The following TAS2R4 variants were observed in gnomAD, a reference collection of about 807,000 sequenced individuals.
The protein encoded by TAS2R4 is taste 2 receptor member 4, also known as taste receptor type 2 member 4.
In TAS2R4, 18 loss-of-function variants were observed where a neutral mutation model predicts 14.3. The observed-to-expected ratio is 1.26, with a 90% CI of 0.87 to 1.86. The LOEUF (loss-of-function observed/expected upper bound fraction) is 1.86, where lower values mean the gene tolerates loss of function less well. Among genes scored for constraint, TAS2R4 ranks in the 40% most tolerant of loss-of-function variants. TAS2R4 has a pLI of 0.00. For missense variants in TAS2R4, 306 were observed against 342.7 expected, an observed-to-expected ratio of 0.89 and a Z score of 0.85; for synonymous variants, 130 against 138.5, an observed-to-expected ratio of 0.94 and a Z score of 0.43.
chr7:141,778,371 G>A lies in TAS2R4; in HGVS notation c.-118G>A. On this transcript the variant is annotated 5_prime_UTR_variant, in exon 1 of 1. The change creates a premature stop within an existing upstream ORF in the 5' untranslated region. Coordinates refer to ENST00000247881, the MANE Select transcript of TAS2R4 (RefSeq NM_016944.2). ...CATGAATGGCTCATTTGCCATGCTG[G>A]GAAAAATTAAAAAGGAGATGTCCTT... 1 of 966,728 alleles carries A rather than the reference G, an allele frequency of 1.0e-6. No homozygotes were observed. Among genetic ancestry groups the A allele is most frequent in the Non-Finnish European group, 1.5e-6 (1 of 664,326 alleles). 59.9% of individuals were successfully genotyped at this position (966,728 alleles called of 1,614,324 possible). A position where few individuals can be genotyped will look rare whatever the true frequency, so the allele number is the denominator to read the frequency against.
At position 141,777,087 on chromosome 7, in the gene TAS2R4, G is replaced by T. The variant is rs1800253389; in HGVS notation, c.-1402G>T. Among the ~76,000 whole-genome samples, 1 of 152,128 alleles carries T rather than the reference G, an allele frequency of 6.6e-6. No individual in the cohort carries two copies. The highest frequency in any genetic ancestry group is 1.5e-5 in the Non-Finnish European group (1 of 68,020). ...AATATTTCAACTTCACCACTTTAAT[G>T]CAGCCATCTATGGATAAGTAATTGG... On this transcript the variant is annotated 5_prime_UTR_variant, in exon 1 of 1. It removes an upstream start codon present in the reference 5' UTR. Coordinates refer to ENST00000247881, the MANE Select transcript of TAS2R4 (RefSeq NM_016944.2).
chr7:141,776,956 A>G lies in TAS2R4; in HGVS notation c.-1533A>G, dbSNP rs567627063. 4.6e-5 allele frequency among the ~76,000 whole-genome samples: 7 copies of G among 152,322 alleles called. No homozygotes were observed. The South Asian group carries it at 1.4e-3, about 32-fold the overall frequency. ...CCAACAATTTGGTATAGTACATTCT[A>G]GATAGAGTTTGTTACTATCTAATTC... is the stretch of plus-strand genomic sequence containing the variant. On this transcript the variant is annotated 5_prime_UTR_variant, in exon 1 of 1. It removes the in-frame stop codon of an upstream open reading frame in the 5' UTR. Transcript: ENST00000247881.
In TAS2R4 at chr7:141,778,930, A is replaced by C. The variant is rs749948398; in HGVS notation, c.442A>C (p.Ile148Leu). The change falls in exon 1 of 1, where the codon ATC becomes CTC. Residue 148 changes from isoleucine (I) to leucine (L), a missense_variant. Physicochemically the swap from Ile to Leu is conservative, Grantham distance 5. Coordinates refer to ENST00000247881, the MANE Select transcript of TAS2R4 (RefSeq NM_016944.2). ...LISAFTTCLY[I>L]TLSQASPFPE... ...TTCTGCTTTCACCACTTGCCTGTAC[A>C]TCACGCTTAGCCAGGCATCACCTTT... 1 of 1,614,212 alleles carries C rather than the reference A, an allele frequency of 6.2e-7. No individual in the cohort carries two copies. Among genetic ancestry groups the C allele is most frequent in the Non-Finnish European group, 8.5e-7 (1 of 1,180,036 alleles).
rs1392795304 is a variant in TAS2R4, at chr7:141,780,892, G to T, written c.*1504G>T. 1.3e-5 allele frequency: 2 copies of T among 151,988 alleles called. No individual in the cohort carries two copies. The highest frequency in any genetic ancestry group is 2.9e-5 in the Non-Finnish European group (2 of 68,016). 9.4% of individuals were successfully genotyped at this position (151,988 alleles called of 1,614,324 possible). On this transcript the variant is annotated 3_prime_UTR_variant, in exon 1 of 1. Coordinates refer to ENST00000247881, the MANE Select transcript of TAS2R4 (RefSeq NM_016944.2). ...TAAAAATTACCCAAGCCAATATTTTGTGCTATGAAACCTGGAGGTATTCAT... is the reference window on the plus strand; with the variant it reads ...TAAAAATTACCCAAGCCAATATTTTTTGCTATGAAACCTGGAGGTATTCAT...
rs1345200950 is a variant in TAS2R4, at chr7:141,778,467, G to T, written c.-22G>T. 6.3e-7 allele frequency: 1 copy of T among 1,590,264 alleles called. No individual in the cohort carries two copies. The highest frequency in any genetic ancestry group is 1.3e-5 in the African/African-American group (1 of 74,232). ...TGCCTCCACTATCAGCACCACAACT[G>T]CTGAATCCTCAATGAGTAAAGATGC... On this transcript the variant is annotated 5_prime_UTR_variant, in exon 1 of 1. Transcript: ENST00000247881.
At position 141,778,645 on chromosome 7, in the gene TAS2R4, A is replaced by C; in HGVS notation, c.157A>C (p.Ile53Leu). The C allele has an allele frequency of 1.2e-6, 2 of 1,614,234 alleles. No homozygotes were observed. Among genetic ancestry groups the C allele is most frequent in the African/African-American group, 1.3e-5 (1 of 75,058 alleles). The change falls in exon 1 of 1, where the codon ATC becomes CTC. Residue 53 changes from isoleucine (I) to leucine (L), a missense_variant. Transcript: ENST00000247881. The stretch of plus-strand genomic sequence containing the variant: ...TGATAGGATTCTGTTCAGCCTGGGC[A>C]TCACCAGGTTTCTTATGCTGGGACT... The part of the protein sequence containing the change: ...SSDRILFSLG[I>L]TRFLMLGLFL...
rs61582517 is a variant in TAS2R4, at chr7:141,777,796, G to GTATGTAGA, written c.-690_-683dup. 0.42 allele frequency among the ~76,000 whole-genome samples: 63,438 copies of GTATGTAGA among 151,586 alleles called. 14,224 individuals carry two copies. Among genetic ancestry groups the GTATGTAGA allele is most frequent in the East Asian group, 0.68 (3,485 of 5,112 alleles). ...GCAAATGGTTATGGCACAAATCTAT[G>GTATGTAGA]TATGTAGATAGAGAAGGCAAAGCAA... On this transcript the variant is annotated 5_prime_UTR_variant, in exon 1 of 1. The change creates a new upstream start codon in the 5' untranslated region. Transcript: ENST00000247881.
chr7:141,779,224 A>G lies in TAS2R4; in HGVS notation c.736A>G (p.Thr246Ala), dbSNP rs1800290406. 3 of 1,614,036 alleles carry G rather than the reference A, an allele frequency of 1.9e-6. No homozygotes were observed. The highest frequency in any genetic ancestry group is 2.2e-5 in the South Asian group (2 of 91,082). The change falls in exon 1 of 1, where the codon ACC (threonine) becomes GCC (alanine). Residue 246 changes from threonine (T) to alanine (A), a missense_variant. Thr to Ala is a moderately conservative substitution (Grantham distance 58). Coordinates refer to ENST00000247881, the MANE Select transcript of TAS2R4 (RefSeq NM_016944.2). Reference sequence around the variant, plus strand: ...CCTCTACATTCCATATTCAGTTGCTACCCTGGTCCAGTATCTCCCCTTTTA... The same window carrying G: ...CCTCTACATTCCATATTCAGTTGCTGCCCTGGTCCAGTATCTCCCCTTTTA... ...LILYIPYSVA[T>A]LVQYLPFYAG...
At position 141,780,673 on chromosome 7, in the gene TAS2R4, C is replaced by A. The variant is rs1409856401; in HGVS notation, c.*1285C>A. ...CCATTGGACTGTGGCTCCAAAAGAA[C>A]AACAGTCTGAAGATGGGATGTTGAC... On this transcript the variant is annotated 3_prime_UTR_variant, in exon 1 of 1. Coordinates refer to ENST00000247881, the MANE Select transcript of TAS2R4 (RefSeq NM_016944.2). 6.6e-6 allele frequency: 1 copy of A among 152,072 alleles called. No homozygotes were observed. Among genetic ancestry groups the A allele is most frequent in the Non-Finnish European group, 1.5e-5 (1 of 68,018 alleles). The allele number at this position is 152,072 out of a possible 1,614,324, so 9.4% of individuals were successfully genotyped here.
Position 141,777,194 on chromosome 7 carries a change from C to CT in TAS2R4, c.-1294dup, listed in dbSNP as rs1219139059. On this transcript the variant is annotated 5_prime_UTR_variant, in exon 1 of 1. An upstream open reading frame in the 5' UTR gains an earlier in-frame stop. Transcript: ENST00000247881. The stretch of plus-strand genomic sequence containing the variant: ...CTGCTTACCTGATGTGGGCATGCCT[C>CT]TATCAGTGCCTGTTAGTTTTGAATA... 6.6e-6 allele frequency among the ~76,000 whole-genome samples: 1 copy of CT among 152,178 alleles called. No homozygotes were observed. The highest frequency in any genetic ancestry group is 1.5e-5 in the Non-Finnish European group (1 of 68,042).
chr7:141,779,029 T>G lies in TAS2R4; in HGVS notation c.541T>G (p.Leu181Val). 2 of 1,614,224 alleles carry G rather than the reference T, an allele frequency of 1.2e-6. No homozygotes were observed. The highest frequency in any genetic ancestry group is 1.7e-6 in the Non-Finnish European group (2 of 1,180,026). ...SEGILSLVVS[L>V]VLSSSLQFII... Reference sequence around the variant, plus strand: ...GGGCATCTTGTCTTTAGTGGTTTCTTTGGTCTTGAGCTCATCTCTCCAGTT... The same window carrying G: ...GGGCATCTTGTCTTTAGTGGTTTCTGTGGTCTTGAGCTCATCTCTCCAGTT... Residue 181 changes from leucine (L) to valine (V), a missense_variant, in exon 1 of 1, where the codon TTG (leucine) becomes GTG (valine). Physicochemically the swap from Leu to Val is conservative, Grantham distance 32. Transcript: ENST00000247881.
In TAS2R4 at chr7:141,778,207, G is replaced by T. The variant is rs2117222210; in HGVS notation, c.-282G>T. Among the ~76,000 whole-genome samples, 2 of 152,284 alleles carry T rather than the reference G, an allele frequency of 1.3e-5. No individual in the cohort carries two copies. The highest frequency in any genetic ancestry group is 3.9e-4 in the East Asian group (2 of 5,182). On this transcript the variant is annotated 5_prime_UTR_variant, in exon 1 of 1. Coordinates refer to ENST00000247881, the MANE Select transcript of TAS2R4 (RefSeq NM_016944.2). ...TGTGACTCTTCCCTCTCGCCCTCCT[G>T]CTCTTGGAGGAGTGGACTCCCAGCA...
Position 141,778,170 on chromosome 7 carries a change from T to C in TAS2R4, c.-319T>C, listed in dbSNP as rs1177377957. Among the ~76,000 whole-genome samples the C allele has an allele frequency of 6.6e-6, 1 of 152,196 alleles. No homozygotes were observed. Among genetic ancestry groups the C allele is most frequent in the African/African-American group, 2.4e-5 (1 of 41,454 alleles). ...AGCTCTCTGGTTTGGATTCTAAGTT[T>C]TTGGAGCCTGCTGTGACTCTTCCCT... On this transcript the variant is annotated 5_prime_UTR_variant, in exon 1 of 1. Coordinates refer to ENST00000247881, the MANE Select transcript of TAS2R4 (RefSeq NM_016944.2).
Position 141,778,991 on chromosome 7 carries a change from T to G in TAS2R4, c.503T>G (p.Phe168Cys), listed in dbSNP as rs1800284782. ...GTGACTACGAGAAATAACACATCAT[T>G]TAATATCAGTGAGGGCATCTTGTCT... ...ELVTTRNNTS[F>C]NISEGILSLV... Residue 168 changes from phenylalanine to cysteine, a missense_variant, in exon 1 of 1, where the codon TTT (phenylalanine) becomes TGT (cysteine). Phe to Cys is a radical substitution (Grantham distance 205). Coordinates refer to ENST00000247881, the MANE Select transcript of TAS2R4 (RefSeq NM_016944.2). 3 of 1,614,240 alleles carry G rather than the reference T, an allele frequency of 1.9e-6. No homozygotes were observed. In the East Asian group the frequency reaches 6.7e-5, roughly 36 times the overall value.
In TAS2R4 at chr7:141,779,564, G is replaced by T; in HGVS notation, c.*176G>T. On this transcript the variant is annotated 3_prime_UTR_variant, in exon 1 of 1. Transcript: ENST00000247881. ...GTAATTTTTTTTTTTTGGTATGTAA[G>T]TATTTTAAAATAAGGCACATTCTGT... 1 of 608,206 alleles carries T rather than the reference G, an allele frequency of 1.6e-6. No homozygotes were observed. 37.7% of individuals were successfully genotyped at this position (608,206 alleles called of 1,614,324 possible). A position where few individuals can be genotyped will look rare whatever the true frequency, so the allele number is the denominator to read the frequency against.
In TAS2R4 at chr7:141,778,522, G is replaced by T. The variant is rs1800274654; in HGVS notation, c.34G>T (p.Ala12Ser). The change falls in exon 1 of 1, where the codon GCC becomes TCC. Residue 12 changes from alanine (A) to serine (S), a missense_variant. Physicochemically the swap from Ala to Ser is moderately conservative, Grantham distance 99 (BLOSUM62 1). Transcript: ENST00000247881. ...LRLFYFSAII[A>S]SVILNFVGII... ...GTTATTCTATTTCTCTGCTATTATT[G>T]CCTCAGTTATTTTAAATTTTGTAGG... 6.2e-7 allele frequency: 1 copy of T among 1,613,664 alleles called. No homozygotes were observed. Among genetic ancestry groups the T allele is most frequent in the Non-Finnish European group, 8.5e-7 (1 of 1,179,850 alleles).
At position 141,778,732 on chromosome 7, in the gene TAS2R4, G is replaced by C; in HGVS notation, c.244G>C (p.Ala82Pro). 1 of 1,614,182 alleles carries C rather than the reference G, an allele frequency of 6.2e-7. No individual in the cohort carries two copies. Among genetic ancestry groups the C allele is most frequent in the African/African-American group, 1.3e-5 (1 of 75,022 alleles). ...SNTERSVYLS[A>P]FFVLCFMFLD... ...TACGGAAAGGTCAGTCTACCTGTCT[G>C]CTTTTTTTGTGTTGTGTTTCATGTT... Residue 82 changes from alanine (A) to proline (P), a missense_variant, in exon 1 of 1, where the codon GCT (alanine) becomes CCT (proline). Transcript: ENST00000247881.
Position 141,781,574 on chromosome 7 carries a change from C to A in TAS2R4, c.*2186C>A. On this transcript the variant is annotated 3_prime_UTR_variant, in exon 1 of 1. Coordinates refer to ENST00000247881, the MANE Select transcript of TAS2R4 (RefSeq NM_016944.2). ...TAAAACCTGTACATGTGGTATAATA[C>A]CATTTTTTTTGGTAAAAATGTGTAC... is the stretch of plus-strand genomic sequence containing the variant. Among the ~76,000 whole-genome samples, 1 of 121,456 alleles carries A rather than the reference C, an allele frequency of 8.2e-6. No individual in the cohort carries two copies. The highest frequency in any genetic ancestry group is 2.7e-4 in the South Asian group (1 of 3,734). 79.7% of individuals were successfully genotyped at this position (121,456 alleles called of 152,430 possible).
chr7:141,777,675 G>A lies in TAS2R4; in HGVS notation c.-814G>A, dbSNP rs1158292014. ...TGGATTGACAGTTAAATGCCTAAGA[G>A]AAAATAGCCACATATGATCTAAACA... is the stretch of plus-strand genomic sequence containing the variant. On this transcript the variant is annotated 5_prime_UTR_variant, in exon 1 of 1. Coordinates refer to ENST00000247881, the MANE Select transcript of TAS2R4 (RefSeq NM_016944.2). Among the ~76,000 whole-genome samples the A allele has an allele frequency of 6.6e-6, 1 of 152,102 alleles. No homozygotes were observed. The highest frequency in any genetic ancestry group is 2.4e-5 in the African/African-American group (1 of 41,410).
Sources: allele counts gnomAD v4.1 joint callset (sites outside exome capture counted in the v4.1 genomes callset), GRCh38; gene constraint gnomAD v4.1.1; transcripts MANE v1.5; gene names NCBI Gene and HGNC (gene_info 2026-07-23, HGNC 2026-07-21).